UNC5C: variants seen among roughly 807,000 people sequenced by gnomAD.
UNC5C encodes unc-5 netrin receptor C, also known as netrin receptor UNC5C.
Under a neutral mutation model 99.8 loss-of-function variants are expected in UNC5C, and 47 were observed. The observed-to-expected ratio is 0.47, with a 90% CI of 0.37 to 0.60. UNC5C has a LOEUF of 0.60. Ranked by LOEUF, UNC5C falls within the 20% of genes least tolerant of loss-of-function variation. The pLI is 0.00. For synonymous variants in UNC5C, 487 were observed against 452.2 expected (o/e 1.08, Z -0.98); for missense variants, 1,062 against 1,165.9 (o/e 0.91, Z 1.30).
chr4:95,472,778 T>A (rs945283175), intron 1 of UNC5C, among the ~76,000 whole-genome samples: 16 of 152,098 alleles, frequency 1.1e-4, no homozygotes, highest in African/African-American at 3.9e-4. Flanking sequence ...AGAAACACTG[T>A]TCAGGCTTAT....
chr4:95,487,522 G>A (rs986449113), intron 1 of UNC5C, among the ~76,000 whole-genome samples: 50 of 144,408 alleles, frequency 3.5e-4, no homozygotes, highest in African/African-American at 1.3e-3. Context: ...ACTGCTTTTT[G>A]CCTAATTCAT....
At chr4:95,270,629 T>G (rs1740624127) in intron 4 of UNC5C, among the ~76,000 whole-genome samples, 1 of 152,216 alleles carries the variant, frequency 6.6e-6, no homozygotes, top group Admixed American at 6.5e-5. Context: ...TGAACTTGTC[T>G]TGAAATCTGA....
chr4:95,460,278 A>C (rs888810492), intron 1 of UNC5C, among the ~76,000 whole-genome samples: 1 of 148,430 alleles, frequency 6.7e-6, no homozygotes, highest in Non-Finnish European at 1.5e-5. Flanking sequence ...GTATGAATTC[A>C]TAATACTAAA....
intron 14 of UNC5C, among the ~76,000 whole-genome samples, chr4:95,181,423 C>T (rs1007567854): frequency 1.3e-5 from 2 of 152,162 alleles, no homozygotes; most frequent in Non-Finnish European, 2.9e-5. Flanking sequence ...CTTTTTAACA[C>T]GCAGCCAATG....
chr4:95,295,003 TC>T (rs1213366609), intron 3 of UNC5C, among the ~76,000 whole-genome samples: 1 of 152,192 alleles, frequency 6.6e-6, no homozygotes, highest in Non-Finnish European at 1.5e-5. Flanking sequence ...AATCTGTCCC[TC>T]AGCTTGTGCT....
intron 1 of UNC5C, among the ~76,000 whole-genome samples, chr4:95,367,405 C>T (rs1744607547): frequency 6.6e-6 from 1 of 152,080 alleles, no homozygotes; most frequent in East Asian, 1.9e-4. Flanking sequence ...TTTCAAACTC[C>T]TGGTCTCAAG....
chr4:95,208,174 G>A (rs879449813), intron 10 of UNC5C, among the ~76,000 whole-genome samples: 3 of 152,140 alleles, frequency 2.0e-5, no homozygotes, highest in Non-Finnish European at 4.4e-5. Context: ...TTTGCCATCT[G>A]TGTTTGTATT....
chr4:95,368,139 G>A (rs184996125), intron 1 of UNC5C, among the ~76,000 whole-genome samples: 19 of 152,100 alleles, frequency 1.2e-4, no homozygotes, highest in Non-Finnish European at 2.2e-4. Context: ...AAATAACACT[G>A]TCTAGCTATC....
intron 1 of UNC5C, among the ~76,000 whole-genome samples, chr4:95,427,576 A>G (rs1746519260): frequency 1.3e-5 from 2 of 152,204 alleles, no homozygotes; most frequent in Non-Finnish European, 2.9e-5. Flanking sequence ...AAGCAAAAAT[A>G]TGATAACTTG....
At chr4:95,204,179 C>T (rs148782178) in intron 11 of UNC5C, among the ~76,000 whole-genome samples, 1 of 152,324 alleles carries the variant, frequency 6.6e-6, no homozygotes, top group African/African-American at 2.4e-5. Context: ...TCTACTCTTT[C>T]AGACACTGAA....
rs923898123 is a variant in UNC5C, at chr4:95,206,210, A to G, written c.1902+418T>C. 5.9e-5 allele frequency among the ~76,000 whole-genome samples: 9 copies of G among 152,070 alleles called. No individual in the cohort carries two copies. In the South Asian group the frequency reaches 1.7e-3, roughly 28 times the overall value. ...GAGACAGGATTTCTCCATGTTGGCC[A>G]GGCTGGTCTCAAACTCCTGACCTCA... On this transcript the variant is annotated intron_variant, in intron 11 of 15. Transcript: ENST00000453304.
In UNC5C at chr4:95,170,207, G is replaced by A. The variant is rs143104555; in HGVS notation, c.2577C>T (p.Pro859=). 6.2e-7 allele frequency: 1 copy of A among 1,614,138 alleles called. No individual in the cohort carries two copies. The highest frequency in any genetic ancestry group is 1.3e-5 in the African/African-American group (1 of 75,024). ...TCCTCCAGTCATGGCCTCTCGTCTGGGGGGCATCCAGGCTGCTACAGAGCT... is the reference window on the plus strand; with the variant it reads ...TCCTCCAGTCATGGCCTCTCGTCTGAGGGGCATCCAGGCTGCTACAGAGCT... ...RQKLCSSLDA[P]QTRGHDWRML... Residue 859 remains proline, a synonymous_variant, in exon 15 of 16, where the codon CCC becomes CCT. Coordinates refer to ENST00000453304, the MANE Select transcript of UNC5C (RefSeq NM_003728.4).
chr4:95,329,660 T>C (rs1579329476), intron 2 of UNC5C, among the ~76,000 whole-genome samples: 1 of 152,214 alleles, frequency 6.6e-6, no homozygotes, highest in Non-Finnish European at 1.5e-5. Context: ...CGGTTGCTGA[T>C]CTTTTCCTTA....
intron 14 of UNC5C, among the ~76,000 whole-genome samples, chr4:95,172,756 G>C (rs1736176119): frequency 6.6e-6 from 1 of 151,934 alleles, no homozygotes; most frequent in Non-Finnish European, 1.5e-5. Context: ...CTTGAAAGTA[G>C]TTTTTTCCAA....
At chr4:95,382,849 C>T (rs1745109254) in intron 1 of UNC5C, among the ~76,000 whole-genome samples, 3 of 152,170 alleles carry the variant, frequency 2.0e-5, no homozygotes, top group Admixed American at 2.0e-4. Context: ...GATGGGTTAG[C>T]TGTCAAATGC....
rs780017284 is a variant in UNC5C, at chr4:95,182,911, A to G, written c.2437T>C (p.Cys813Arg). The stretch of plus-strand genomic sequence containing the variant: ...GAGCCACTTACCTCTGACACGGTGC[A>G]GTTGAGCTGGAAGATCTGCCCTTCT... ...EGEGQIFQLN[C>R]TVSEEPTGID... The change falls in exon 14 of 16, where the codon TGC (cysteine) becomes CGC (arginine). Residue 813 changes from cysteine (C) to arginine (R), a missense_variant. This residue lies in a region of UNC5C where 810 missense variants were observed against 854.5 expected (regional missense o/e 0.95). Coordinates refer to ENST00000453304, the MANE Select transcript of UNC5C (RefSeq NM_003728.4). 3.1e-6 allele frequency: 5 copies of G among 1,613,260 alleles called. No individual in the cohort carries two copies. Among genetic ancestry groups the G allele is most frequent in the Non-Finnish European group, 4.2e-6 (5 of 1,179,356 alleles).
At chr4:95,320,772 G>C (rs550435853) in intron 2 of UNC5C, among the ~76,000 whole-genome samples, 9 of 152,246 alleles carry the variant, frequency 5.9e-5, no homozygotes, top group African/African-American at 2.2e-4. Flanking sequence ...TCTAAATTTG[G>C]AAAAACACAC....
intron 1 of UNC5C, among the ~76,000 whole-genome samples, chr4:95,540,218 G>C (rs1722883330): frequency 6.6e-6 from 1 of 152,046 alleles, no homozygotes; most frequent in Admixed American, 6.5e-5. Context: ...AAATTCTTTT[G>C]CTATATTAAT....
intron 1 of UNC5C, among the ~76,000 whole-genome samples, chr4:95,347,775 A>G (rs918885815): frequency 6.6e-6 from 1 of 152,036 alleles, no homozygotes; most frequent in African/African-American, 2.4e-5. Context: ...GGAGTAAAGA[A>G]TTGAATCTAA....
Sources: allele counts gnomAD v4.1 joint callset (sites outside exome capture counted in the v4.1 genomes callset), GRCh38; gene constraint gnomAD v4.1.1; regional missense constraint gnomAD v4.1.1; transcripts MANE v1.5; gene names NCBI Gene and HGNC (gene_info 2026-07-23, HGNC 2026-07-21).